The following CDYL variants were observed in gnomAD, a reference collection of about 807,000 sequenced individuals.
The protein encoded by CDYL is chromodomain Y-like protein.
CDYL carries 8 observed loss-of-function variants against 47.3 expected under a neutral mutation model. The ratio of observed to expected loss-of-function variants is 0.17; its 90% CI spans 0.10 to 0.31. CDYL has a LOEUF of 0.31. Among genes scored for constraint, CDYL ranks in the 10% least tolerant of loss-of-function variants. The probability of loss-of-function intolerance (pLI) is 1.00; values close to 1 mark genes in which losing one functional copy is unlikely to be tolerated. For synonymous variants in CDYL, 266 were observed against 265.0 expected, an observed-to-expected ratio of 1.00 and a Z score of -0.04; for missense variants, 471 against 701.4, an observed-to-expected ratio of 0.67 and a Z score of 3.71.
At chr6:4,879,966 C>A (rs1761720300) in intron 1 of CDYL, among the ~76,000 whole-genome samples, 1 of 152,188 alleles carries the variant, frequency 6.6e-6, no homozygotes, top group African/African-American at 2.4e-5. Flanking sequence ...CCCCTACACA[C>A]ATACAGCCTC....
At chr6:4,939,809 C>T (rs183338817) in intron 4 of CDYL, among the ~76,000 whole-genome samples, 1 of 152,234 alleles carries the variant, frequency 6.6e-6, no homozygotes, top group Admixed American at 6.5e-5. Flanking sequence ...CACCATGCCT[C>T]CTATGGTCAC....
chr6:4,921,782 G>A (rs1757724128), intron 2 of CDYL, among the ~76,000 whole-genome samples: 4 of 151,934 alleles, frequency 2.6e-5, no homozygotes, highest in Admixed American at 1.3e-4. Flanking sequence ...ATAGTACCTC[G>A]ACATGCCATA....
At chr6:4,769,655 A>G (rs1426118003) in intron 3 of CDYL, among the ~76,000 whole-genome samples, 1 of 152,188 alleles carries the variant, frequency 6.6e-6, no homozygotes, top group Non-Finnish European at 1.5e-5. Context: ...GCTGGTACCC[A>G]AGCATGTCCA....
At chr6:4,732,412 G>A (rs946806325) in intron 2 of CDYL, among the ~76,000 whole-genome samples, 5 of 152,084 alleles carry the variant, frequency 3.3e-5, no homozygotes, top group Non-Finnish European at 1.5e-5. Context: ...CCAGCACATT[G>A]GGAGGCAGAG....
intron 1 of CDYL, among the ~76,000 whole-genome samples, chr6:4,713,669 C>T (rs576579438): frequency 5.3e-5 from 8 of 151,228 alleles, no homozygotes; most frequent in African/African-American, 1.7e-4. Context: ...CTCACTGCAG[C>T]CTCTGCCTCC....
Position 4,935,510 on chromosome 6 carries a change from G to A in CDYL, c.692-5G>A, listed in dbSNP as rs748843772. 8.1e-6 allele frequency: 13 copies of A among 1,613,250 alleles called. No individual in the cohort carries two copies. Among genetic ancestry groups the A allele is most frequent in the Admixed American group, 3.3e-5 (2 of 60,002 alleles). Reference sequence around the variant, plus strand: ...CAGACTACTGTGATTTCAAACTCTCGGCAGGTACATCTCCGTTCATGGATG... The same window carrying A: ...CAGACTACTGTGATTTCAAACTCTCAGCAGGTACATCTCCGTTCATGGATG... On this transcript the variant is annotated splice_region_variant and splice_polypyrimidine_tract_variant and intron_variant, in intron 2 of 6. Transcript: ENST00000397588.
At chr6:4,848,911 G>A (rs1449806007) in intron 1 of CDYL, among the ~76,000 whole-genome samples, 1 of 152,166 alleles carries the variant, frequency 6.6e-6, no homozygotes, top group Non-Finnish European at 1.5e-5. Context: ...GATATTTGAA[G>A]CTTATCTTGT....
chr6:4,910,568 A>G (rs1417087920), intron 2 of CDYL, among the ~76,000 whole-genome samples: 1 of 152,234 alleles, frequency 6.6e-6, no homozygotes, highest in Non-Finnish European at 1.5e-5. Context: ...CCAGTTGCAC[A>G]AAAGGTTATA....
At chr6:4,823,920 A>T (rs537842881) in intron 1 of CDYL, among the ~76,000 whole-genome samples, 1 of 152,124 alleles carries the variant, frequency 6.6e-6, no homozygotes, top group Non-Finnish European at 1.5e-5. Context: ...GGAAATCTCT[A>T]TTCTACTTTC....
chr6:4,773,302 A>G (rs1006974152), upstream of CDYL: 2 of 386,366 alleles, frequency 5.2e-6, no homozygotes, highest in Admixed American at 6.4e-5. The surrounding 1 kb of genome is among the most constrained non-coding windows in gnomAD (Gnocchi z 4.6). Context: ...ATTGTGCTGT[A>G]TGTATTTTTG....
chr6:4,928,738 T>C (rs1348666120), intron 2 of CDYL: 3 of 152,210 alleles, frequency 2.0e-5, no homozygotes, highest in African/African-American at 4.8e-5. Flanking sequence ...GGTAATTTGT[T>C]AATGATTTTA....
At chr6:4,828,928 C>T (rs78137143) in intron 1 of CDYL, among the ~76,000 whole-genome samples, 8,159 of 152,092 alleles carry the variant, frequency 0.054, 745 homozygotes, top group African/African-American at 0.18. Context: ...CAATTATGTA[C>T]GTTTCAGCTC....
intron 5 of CDYL, among the ~76,000 whole-genome samples, chr6:4,944,348 G>A (rs1462899566): frequency 6.6e-6 from 1 of 152,186 alleles, no homozygotes; most frequent in African/African-American, 2.4e-5. Flanking sequence ...CAGTACCTGT[G>A]GAAGGGATGG....
intron 2 of CDYL, chr6:4,928,860 G>T (rs1352377574): frequency 6.6e-6 from 1 of 151,474 alleles, no homozygotes; most frequent in Admixed American, 6.6e-5. Flanking sequence ...TAATATATTT[G>T]TATAGTATGT....
intron 1 of CDYL, among the ~76,000 whole-genome samples, chr6:4,787,943 T>C (rs1758800570): frequency 6.6e-6 from 1 of 151,780 alleles, no homozygotes; most frequent in Non-Finnish European, 1.5e-5. Flanking sequence ...GGCTAATTTT[T>C]GTATTTTTAG....
At chr6:4,919,041 G>A (rs999200992) in intron 2 of CDYL, among the ~76,000 whole-genome samples, 4 of 152,144 alleles carry the variant, frequency 2.6e-5, no homozygotes, top group African/African-American at 4.8e-5. Flanking sequence ...TGAAACCTGC[G>A]CTAACTGTAT....
intron 1 of CDYL, among the ~76,000 whole-genome samples, chr6:4,869,358 G>C (rs527666409): frequency 6.6e-6 from 1 of 152,132 alleles, no homozygotes; most frequent in East Asian, 1.9e-4. Flanking sequence ...GGCCTCCCAA[G>C]GCGTTGAGAC....
chr6:4,814,137 C>G (rs1236883319), intron 1 of CDYL, among the ~76,000 whole-genome samples: 2 of 151,994 alleles, frequency 1.3e-5, no homozygotes, highest in Non-Finnish European at 2.9e-5. Context: ...GGTAGCATTC[C>G]CATTATTTTC....
At chr6:4,894,611 G>A (rs961544504) in intron 2 of CDYL, among the ~76,000 whole-genome samples, 2 of 151,988 alleles carry the variant, frequency 1.3e-5, no homozygotes, top group South Asian at 2.1e-4. Flanking sequence ...CACCAATCCC[G>A]GCTAATTTTT....
Sources: gnomAD v4.1 joint callset for allele counts (sites outside exome capture counted in the v4.1 genomes callset) on GRCh38, gnomAD v4.1.1 for gene constraint, Gnocchi (gnomAD v3.1) non-coding constraint, MANE v1.5 for transcripts, NCBI Gene and HGNC (gene_info 2026-07-23, HGNC 2026-07-21) for gene names.